The following SLC10A7 variants were observed in gnomAD, a reference collection of about 807,000 sequenced individuals.
SLC10A7 encodes the protein solute carrier family 10 member 7.
Under a neutral mutation model 43.2 loss-of-function variants are expected in SLC10A7, and 29 were observed. That is an observed-to-expected ratio of 0.67 (90% CI 0.50 to 0.92). The LOEUF is 0.92. Among genes scored for constraint, SLC10A7 ranks in the 40% least tolerant of loss-of-function variants. The probability of loss-of-function intolerance (pLI) is 0.00; values close to 1 mark genes in which losing one functional copy is unlikely to be tolerated. For missense variants in SLC10A7, 295 were observed against 403.2 expected, an observed-to-expected ratio of 0.73 and a Z score of 2.30; for synonymous variants, 152 against 144.8, an observed-to-expected ratio of 1.05 and a Z score of -0.35.
chr4:146,514,891 GA>G, intron 2 of SLC10A7: 1 of 505,028 alleles, frequency 2.0e-6, no homozygotes, highest in East Asian at 3.1e-5. Context: ...TATGGCTTTT[GA>G]AAATGACTTA....
intron 4 of SLC10A7, among the ~76,000 whole-genome samples, chr4:146,480,154 ATTG>A (rs1312739752): frequency 1.3e-5 from 2 of 152,158 alleles, no homozygotes; most frequent in Admixed American, 6.5e-5. Context: ...ATAATACCAC[ATTG>A]TTGTTATTAA....
chr4:146,490,699 C>CTTAATG, intron 4 of SLC10A7, among the ~76,000 whole-genome samples: 1 of 152,216 alleles, frequency 6.6e-6, no homozygotes, highest in South Asian at 2.1e-4. Flanking sequence ...GCTCTCTTAA[C>CTTAATG]TGGAACTAAA....
chr4:146,370,649 CT>C (rs1435316384), intron 5 of SLC10A7, among the ~76,000 whole-genome samples: 2 of 152,070 alleles, frequency 1.3e-5, no homozygotes, highest in East Asian at 1.9e-4. Context: ...GGCATTCAGC[CT>C]TTTTTAATCT....
chr4:146,444,019 G>A (rs139730251), intron 4 of SLC10A7, among the ~76,000 whole-genome samples: 9 of 152,192 alleles, frequency 5.9e-5, no homozygotes, highest in South Asian at 2.1e-4. Context: ...TGGGTTGTAT[G>A]GGGAGCAGTG....
At chr4:146,448,032 A>G (rs1731258711) in intron 4 of SLC10A7, among the ~76,000 whole-genome samples, 1 of 151,900 alleles carries the variant, frequency 6.6e-6, no homozygotes, top group Non-Finnish European at 1.5e-5. Context: ...ACACATGGAC[A>G]CAGGAAGGGG....
At chr4:146,312,739 C>G (rs1052897317) in intron 6 of SLC10A7, among the ~76,000 whole-genome samples, 3 of 152,064 alleles carry the variant, frequency 2.0e-5, no homozygotes, top group Non-Finnish European at 4.4e-5. Flanking sequence ...CCATGTTATA[C>G]GCTAATTTAA....
intron 10 of SLC10A7, among the ~76,000 whole-genome samples, chr4:146,276,060 A>G (rs1729186470): frequency 6.6e-6 from 1 of 152,162 alleles, no homozygotes; most frequent in South Asian, 2.1e-4. Flanking sequence ...TATGTAGACT[A>G]TGGGATTTGC....
chr4:146,285,801 T>C (rs1729858393), intron 9 of SLC10A7, among the ~76,000 whole-genome samples: 1 of 152,124 alleles, frequency 6.6e-6, no homozygotes, highest in South Asian at 2.1e-4. Flanking sequence ...GGACTGTGTT[T>C]GGAGTGGTGA....
intron 5 of SLC10A7, among the ~76,000 whole-genome samples, chr4:146,377,674 T>C (rs994148822): frequency 5.3e-5 from 8 of 152,186 alleles, no homozygotes; most frequent in African/African-American, 1.9e-4. Context: ...ACAAAGGTTT[T>C]AGGAGCTCTG....
At chr4:146,343,589 A>G (rs1436180316) in intron 5 of SLC10A7, among the ~76,000 whole-genome samples, 2 of 152,020 alleles carry the variant, frequency 1.3e-5, no homozygotes, top group Non-Finnish European at 2.9e-5. Flanking sequence ...TGGGAGATAA[A>G]CTAGTGGTCA....
chr4:146,305,156 C>G (rs1731462909), intron 7 of SLC10A7, among the ~76,000 whole-genome samples: 1 of 150,500 alleles, frequency 6.6e-6, no homozygotes, highest in Non-Finnish European at 1.5e-5. Flanking sequence ...TTCACAATAG[C>G]AAAGACTTGG....
chr4:146,328,851 T>G (rs1733340665), intron 5 of SLC10A7, among the ~76,000 whole-genome samples: 1 of 152,186 alleles, frequency 6.6e-6, no homozygotes, highest in African/African-American at 2.4e-5. Flanking sequence ...TCTATAAAAT[T>G]GGAAGAAGCA....
At chr4:146,349,792 T>G (rs745635704) in intron 5 of SLC10A7, among the ~76,000 whole-genome samples, 2 of 152,072 alleles carry the variant, frequency 1.3e-5, no homozygotes, top group African/African-American at 2.4e-5. Flanking sequence ...TATTGGGTTC[T>G]CATGGACATA....
chr4:146,304,703 G>C (rs998631831), intron 7 of SLC10A7, among the ~76,000 whole-genome samples: 3 of 152,172 alleles, frequency 2.0e-5, no homozygotes, highest in African/African-American at 7.2e-5. Context: ...GTGTGGTGTG[G>C]TGCTGAAAAA....
At chr4:146,339,701 TTTA>T (rs1199902378) in intron 5 of SLC10A7, among the ~76,000 whole-genome samples, 3 of 151,844 alleles carry the variant, frequency 2.0e-5, no homozygotes, top group Admixed American at 6.6e-5. Context: ...AACATGTTTA[TTTA>T]TTATTTTTTC....
intron 5 of SLC10A7, among the ~76,000 whole-genome samples, chr4:146,417,126 C>T (rs2149841173): frequency 6.6e-6 from 1 of 152,296 alleles, no homozygotes; most frequent in South Asian, 2.1e-4. Flanking sequence ...CAAGTGTTAT[C>T]TGTTTTATAC....
At chr4:146,479,968 G>A (rs752953335) in intron 4 of SLC10A7, among the ~76,000 whole-genome samples, 6 of 151,888 alleles carry the variant, frequency 4.0e-5, no homozygotes, top group Middle Eastern at 6.8e-3. Flanking sequence ...TATCTGTCTC[G>A]GAATATTTTA....
intron 7 of SLC10A7, among the ~76,000 whole-genome samples, chr4:146,302,678 CAG>C (rs1731241971): frequency 6.6e-6 from 1 of 152,054 alleles, no homozygotes; most frequent in Admixed American, 6.5e-5. Context: ...CTGAGAAAAC[CAG>C]AGAGGCTGGA....
intron 4 of SLC10A7, among the ~76,000 whole-genome samples, chr4:146,466,004 A>C (rs1732991306): frequency 6.6e-6 from 1 of 152,194 alleles, no homozygotes; most frequent in African/African-American, 2.4e-5. Flanking sequence ...TTTTCTACAT[A>C]GTTCTAATCT....
Sources: gnomAD v4.1 joint callset for allele counts (sites outside exome capture counted in the v4.1 genomes callset) on GRCh38, gnomAD v4.1.1 for gene constraint, MANE v1.5 for transcripts, NCBI Gene and HGNC (gene_info 2026-07-23, HGNC 2026-07-21) for gene names.